The following LYRM4 variants were observed in gnomAD, a reference collection of about 807,000 sequenced individuals.
LYRM4 encodes the protein LYR motif containing 4.
A neutral mutation model predicts 11.7 loss-of-function variants in LYRM4; 9 were observed. The observed-to-expected ratio is 0.77, with a 90% confidence interval of 0.46 to 1.34. LYRM4 has a LOEUF of 1.34. LYRM4 is among the 40% of genes most tolerant of loss of function. LYRM4 has a pLI of 0.00. For missense variants in LYRM4, 133 were observed against 112.5 expected, an observed-to-expected ratio of 1.18 and a Z score of -0.82; for synonymous variants, 42 against 40.4, an observed-to-expected ratio of 1.04 and a Z score of -0.15.
At chr6:5,129,582 G>A (rs1399982527) in intron 2 of LYRM4, among the ~76,000 whole-genome samples, 3 of 151,850 alleles carry the variant, frequency 2.0e-5, no homozygotes, top group African/African-American at 4.8e-5. Flanking sequence ...ATTACAGTAG[G>A]GCCAATGTGG....
the LYRM4 span, among the ~76,000 whole-genome samples, chr6:5,059,228 C>T: frequency 6.6e-6 from 1 of 151,766 alleles, no homozygotes; most frequent in African/African-American, 2.4e-5. Context: ...GTAGTCTTAG[C>T]TACCCGGGAG....
At chr6:5,206,530 T>C (rs1304623163) in intron 2 of LYRM4, among the ~76,000 whole-genome samples, 2 of 152,224 alleles carry the variant, frequency 1.3e-5, no homozygotes, top group East Asian at 3.9e-4. Context: ...ATTCTTGTGC[T>C]ATAAGGGATC....
chr6:5,082,948 C>A, the LYRM4 span, among the ~76,000 whole-genome samples: 1 of 152,222 alleles, frequency 6.6e-6, no homozygotes, highest in Non-Finnish European at 1.5e-5. Context: ...TCCTCACAGG[C>A]CTCCTGACCA....
the LYRM4 span, among the ~76,000 whole-genome samples, chr6:5,045,822 G>A: frequency 3.3e-5 from 5 of 152,236 alleles, no homozygotes; most frequent in Admixed American, 2.0e-4. Flanking sequence ...ATTTAACATG[G>A]AGAAATGAAA....
In LYRM4 at chr6:5,118,155, C is replaced by T. The variant is rs180776069; in HGVS notation, c.208-8664G>A. ...ACAGAGTCTCACTCTGTCATCCAGG[C>T]TGCAGTGCTGTGGTGTGCTCTCAGC... On this transcript the variant is annotated intron_variant, in intron 2 of 2. Coordinates refer to ENST00000330636, the MANE Select transcript of LYRM4 (RefSeq NM_020408.6). 2.5e-4 allele frequency among the ~76,000 whole-genome samples: 36 copies of T among 144,792 alleles called. No individual in the cohort carries two copies. In the East Asian group the frequency reaches 7.3e-3, roughly 29 times the overall value. The allele number at this position is 144,792 out of a possible 152,430, so 95.0% of individuals were successfully genotyped here.
the LYRM4 span, among the ~76,000 whole-genome samples, chr6:5,094,512 G>A: frequency 0.19 from 29,492 of 152,074 alleles, 4,087 homozygotes; most frequent in African/African-American, 0.39. Context: ...CAAATTAGAA[G>A]AAACATTTGC....
At chr6:5,134,070 G>A (rs934919700) in intron 2 of LYRM4, among the ~76,000 whole-genome samples, 5 of 152,288 alleles carry the variant, frequency 3.3e-5, no homozygotes, top group Non-Finnish European at 7.4e-5. Flanking sequence ...GTGAACATAC[G>A]AATACAAGAC....
At chr6:5,218,993 A>G (rs1276156710) in intron 1 of LYRM4, among the ~76,000 whole-genome samples, 2 of 152,222 alleles carry the variant, frequency 1.3e-5, no homozygotes, top group Non-Finnish European at 2.9e-5. Flanking sequence ...TTTAATTCTA[A>G]TATTTGTTCC....
chr6:5,046,073 A>G, the LYRM4 span, among the ~76,000 whole-genome samples: 1 of 152,176 alleles, frequency 6.6e-6, no homozygotes, highest in Non-Finnish European at 1.5e-5. Flanking sequence ...TCTCCAGTGT[A>G]GGTTAGGAAA....
At chr6:5,086,423 A>C in the LYRM4 span, 1 of 1,536,400 alleles carries the variant, frequency 6.5e-7, no homozygotes, top group South Asian at 1.2e-5. Context: ...CTGCAGCCTG[A>C]GGACGAAGAG....
At chr6:5,101,941 G>A (rs184126303), downstream of LYRM4, among the ~76,000 whole-genome samples, 13 of 114,040 alleles carry the variant, frequency 1.1e-4, no homozygotes, top group Admixed American at 5.0e-4. Context: ...GGCAAAACAC[G>A]AAAACACTAC....
intron 2 of LYRM4, among the ~76,000 whole-genome samples, chr6:5,172,846 A>ATG (rs983837216): frequency 6.6e-6 from 1 of 152,212 alleles, no homozygotes; most frequent in Non-Finnish European, 1.5e-5. Context: ...TAATAAAGCA[A>ATG]TATGGCATTA....
At chr6:5,245,345 C>T (rs1764149068) in intron 1 of LYRM4, among the ~76,000 whole-genome samples, 1 of 151,412 alleles carries the variant, frequency 6.6e-6, no homozygotes, top group South Asian at 2.1e-4. Flanking sequence ...TCCCTTTACT[C>T]CTACTTGTTA....
chr6:5,053,659 G>C, the LYRM4 span, among the ~76,000 whole-genome samples: 1 of 150,878 alleles, frequency 6.6e-6, no homozygotes, highest in African/African-American at 2.5e-5. Context: ...AAGAAAGAAA[G>C]AAAAGAAATT....
chr6:5,249,564 A>G (rs1764340317), intron 1 of LYRM4, among the ~76,000 whole-genome samples: 1 of 152,204 alleles, frequency 6.6e-6, no homozygotes, highest in Non-Finnish European at 1.5e-5. Flanking sequence ...CAGAATTCCA[A>G]TGAGAACCTA....
chr6:5,254,666 C>T (rs1362842557), intron 1 of LYRM4, among the ~76,000 whole-genome samples: 1 of 152,110 alleles, frequency 6.6e-6, no homozygotes, highest in Non-Finnish European at 1.5e-5. Flanking sequence ...TCCCGCTTAA[C>T]CCAGAAACTG....
At chr6:5,260,605 C>T (rs766795190) in intron 1 of LYRM4, 43 bp downstream of exon 1, 1 of 822,286 alleles carries the variant, frequency 1.2e-6, no homozygotes, top group Non-Finnish European at 1.9e-6. Context: ...CGGTCCCCGG[C>T]CCCTGGCCCC....
At chr6:5,221,738 C>T (rs954218914) in intron 1 of LYRM4, among the ~76,000 whole-genome samples, 2 of 152,206 alleles carry the variant, frequency 1.3e-5, no homozygotes, top group Non-Finnish European at 2.9e-5. Context: ...CTCATGATGA[C>T]CAATACTTCC....
intron 2 of LYRM4, among the ~76,000 whole-genome samples, chr6:5,184,367 G>T (rs434450): frequency 0.34 from 51,544 of 151,918 alleles, 9,990 homozygotes; most frequent in African/African-American, 0.54. Context: ...TAAGAGAAAA[G>T]AAGTTGAAAT....
Sources: gnomAD v4.1 joint callset for allele counts (sites outside exome capture counted in the v4.1 genomes callset) on GRCh38, gnomAD v4.1.1 for gene constraint, MANE v1.5 for transcripts, NCBI Gene and HGNC (gene_info 2026-07-23, HGNC 2026-07-21) for gene names.